CPAP: variants seen among roughly 807,000 people sequenced by gnomAD.
CPAP encodes the protein centrosome assembly and centriole elongation protein.
chr13:24,887,750 A>G, the CPAP span, among the ~76,000 whole-genome samples: 2 of 152,214 alleles, frequency 1.3e-5, no homozygotes, highest in African/African-American at 2.4e-5. Context: ...ACCCCAGTCC[A>G]TGGAAAAATT....
the CPAP span, chr13:24,912,935 A>AT: frequency 6.2e-7 from 1 of 1,614,232 alleles, no homozygotes; most frequent in Non-Finnish European, 8.5e-7. Context: ...CCACGATTTA[A>AT]TATGACCCCA....
At chr13:24,883,260 C>T in the CPAP span, 24 of 1,614,008 alleles carry the variant, frequency 1.5e-5, no homozygotes, top group East Asian at 3.3e-4. Context: ...TCTTGATGAC[C>T]GTTTGCATAT....
At chr13:24,885,727 G>A in the CPAP span, 4 of 1,191,054 alleles carry the variant, frequency 3.4e-6, no homozygotes, top group Non-Finnish European at 5.0e-6. Flanking sequence ...AATTTTATTA[G>A]TATGATCACA....
the CPAP span, among the ~76,000 whole-genome samples, chr13:24,902,202 T>C: frequency 6.7e-6 from 1 of 150,056 alleles, no homozygotes; most frequent in Non-Finnish European, 1.5e-5. Flanking sequence ...TGAATTTTGC[T>C]TAGAACAAAG....
chr13:24,930,630 C>T, the CPAP span, among the ~76,000 whole-genome samples: 1 of 152,226 alleles, frequency 6.6e-6, no homozygotes, highest in African/African-American at 2.4e-5. Flanking sequence ...CATGTTGCTG[C>T]AAAGGACATG....
chr13:24,916,076 C>T, the CPAP span, among the ~76,000 whole-genome samples: 2 of 152,020 alleles, frequency 1.3e-5, no homozygotes. Flanking sequence ...ACAGCTAACA[C>T]CAGGAGTTCT....
chr13:24,928,593 G>A, the CPAP span, among the ~76,000 whole-genome samples: 1 of 152,072 alleles, frequency 6.6e-6, no homozygotes, highest in Non-Finnish European at 1.5e-5. Context: ...ACTATGCCTG[G>A]CTAATTTTGT....
the CPAP span, among the ~76,000 whole-genome samples, chr13:24,909,074 A>T: frequency 5.3e-5 from 8 of 152,260 alleles, no homozygotes; most frequent in South Asian, 2.1e-4. Flanking sequence ...TAACTGCTCA[A>T]TCTAGGTGGT....
At chr13:24,901,548 C>A in the CPAP span, among the ~76,000 whole-genome samples, 1 of 152,156 alleles carries the variant, frequency 6.6e-6, no homozygotes, top group Admixed American at 6.5e-5. Flanking sequence ...TGACGATATT[C>A]CCTGCAGAAT....
the CPAP span, among the ~76,000 whole-genome samples, chr13:24,896,576 G>C: frequency 6.6e-6 from 1 of 152,244 alleles, no homozygotes; most frequent in Non-Finnish European, 1.5e-5. Flanking sequence ...CATCTTGTGA[G>C]GGAAAGGCAT....
the CPAP span, chr13:24,905,497 C>A: frequency 6.2e-7 from 1 of 1,614,154 alleles, no homozygotes; most frequent in African/African-American, 1.3e-5. Flanking sequence ...AGTCTTCTCC[C>A]CTCTTGACTG....
chr13:24,905,108 G>A, the CPAP span, among the ~76,000 whole-genome samples: 1 of 152,166 alleles, frequency 6.6e-6, no homozygotes, highest in Non-Finnish European at 1.5e-5. Context: ...CTTGAACCAG[G>A]TCTGGGGAAG....
chr13:24,903,126 A>G, the CPAP span, among the ~76,000 whole-genome samples: 1 of 152,210 alleles, frequency 6.6e-6, no homozygotes, highest in Non-Finnish European at 1.5e-5. Flanking sequence ...GCCTCATGTA[A>G]GTTCAGTTCA....
chr13:24,889,138 AG>A, the CPAP span: 17 of 618,406 alleles, frequency 2.7e-5, no homozygotes, highest in African/African-American at 1.8e-4. Context: ...GACCATTATC[AG>A]GGTAGAAATT....
At chr13:24,896,575 A>G in the CPAP span, among the ~76,000 whole-genome samples, 5 of 152,260 alleles carry the variant, frequency 3.3e-5, no homozygotes, top group Non-Finnish European at 4.4e-5. Flanking sequence ...ACATCTTGTG[A>G]GGGAAAGGCA....
At chr13:24,909,709 A>G in the CPAP span, 1 of 1,333,050 alleles carries the variant, frequency 7.5e-7, no homozygotes, top group Admixed American at 2.0e-5. Context: ...ATAATTTTTA[A>G]AGAAAAAACA....
the CPAP span, among the ~76,000 whole-genome samples, chr13:24,902,637 G>A: frequency 7.9e-5 from 12 of 152,120 alleles, no homozygotes; most frequent in Non-Finnish European, 8.8e-5. Flanking sequence ...AAAGAAATAC[G>A]GAAGAGATGT....
the CPAP span, chr13:24,912,810 A>C: frequency 6.2e-5 from 100 of 1,613,904 alleles, no homozygotes; most frequent in Non-Finnish European, 8.3e-5. Context: ...CAAGAAGTGA[A>C]TCTTCTTCAT....
At chr13:24,920,563 C>T in the CPAP span, among the ~76,000 whole-genome samples, 7 of 151,850 alleles carry the variant, frequency 4.6e-5, no homozygotes, top group Admixed American at 6.6e-5. Flanking sequence ...AAAATTGCTG[C>T]CACAGGCAGT....
Sources: gnomAD v4.1 joint callset for allele counts (sites outside exome capture counted in the v4.1 genomes callset) on GRCh38, gnomAD v4.1.1 for gene constraint, MANE v1.5 for transcripts, NCBI Gene and HGNC (gene_info 2026-07-23, HGNC 2026-07-21) for gene names.